The following TAF4 variants were observed in gnomAD, a reference collection of about 807,000 sequenced individuals.
TAF4 encodes TATA-box binding protein associated factor 4.
In TAF4, 9 loss-of-function variants were observed where a neutral mutation model predicts 90.3. The observed-to-expected ratio is 0.10, with a 90% CI of 0.06 to 0.17. The LOEUF is 0.17. Among genes scored for constraint, TAF4 ranks in the 10% least tolerant of loss-of-function variants. The pLI is 1.00. For missense variants in TAF4, 1,351 were observed against 1,370.7 expected, an observed-to-expected ratio of 0.99 and a Z score of 0.23; for synonymous variants, 818 against 638.9, an observed-to-expected ratio of 1.28 and a Z score of -4.23.
intron 1 of TAF4, among the ~76,000 whole-genome samples, chr20:62,054,366 A>G (rs2056048491): frequency 6.6e-6 from 1 of 152,126 alleles, no homozygotes; most frequent in African/African-American, 2.4e-5. Context: ...AGATCTACAG[A>G]TCTGTGAATT....
At position 61,989,694 on chromosome 20, in the gene TAF4, C is replaced by T. The variant is rs912422798; in HGVS notation, c.3090+7856G>A. Among the ~76,000 whole-genome samples, 10 of 141,946 alleles carry T rather than the reference C, an allele frequency of 7.0e-5. No individual in the cohort carries two copies. In the South Asian group the frequency reaches 2.4e-3, roughly 35 times the overall value. The allele number at this position is 141,946 out of a possible 152,430, so 93.1% of individuals were successfully genotyped here. Reference sequence around the variant, plus strand: ...ATGAGGGATCCCGGCACCCACAGCACTGCAGTGAGTGAGTGAATGAGGGAT... The same window carrying T: ...ATGAGGGATCCCGGCACCCACAGCATTGCAGTGAGTGAGTGAATGAGGGAT... On this transcript the variant is annotated intron_variant, in intron 14 of 14. Transcript: ENST00000252996.
rs771068892 is a variant in TAF4, at chr20:62,003,714, G to T, written c.2371+17C>A. 5.7e-6 allele frequency: 9 copies of T among 1,567,424 alleles called. No individual in the cohort carries two copies. The highest frequency in any genetic ancestry group is 4.3e-6 in the Non-Finnish European group (5 of 1,162,306). On this transcript the variant is annotated intron_variant, in intron 8 of 14. Coordinates refer to ENST00000252996, the MANE Select transcript of TAF4 (RefSeq NM_003185.4). ...AGCCCTTGGTGTTGAGCGGCCAGGG[G>T]CCCGCGAGGCCCTCACCTGGCTGCA...
At chr20:62,011,926 C>G (rs2055780854) in intron 3 of TAF4, among the ~76,000 whole-genome samples, 1 of 152,236 alleles carries the variant, frequency 6.6e-6, no homozygotes, top group South Asian at 2.1e-4. Context: ...TTCCTGCTGA[C>G]TGCCCAGAGA....
At chr20:62,003,949 A>G (rs1600838280) in intron 7 of TAF4, 71 bp from the exon 8 acceptor site, 1 of 1,480,726 alleles carries the variant, frequency 6.8e-7, no homozygotes, top group East Asian at 2.4e-5. Flanking sequence ...CCCTAGCAGG[A>G]GGTTCTTCCC....
At chr20:62,063,298 C>A (rs2056100232) in intron 1 of TAF4, among the ~76,000 whole-genome samples, 3 of 152,212 alleles carry the variant, frequency 2.0e-5, no homozygotes, top group African/African-American at 7.2e-5. Context: ...TCAAAGTGAC[C>A]AATAGCTCCA....
chr20:62,000,482 T>A, intron 10 of TAF4, 70 bp downstream of exon 10: 1 of 1,506,918 alleles, frequency 6.6e-7, no homozygotes, highest in South Asian at 1.2e-5. Flanking sequence ...TCAGGTGTGC[T>A]CACCTGAAGC....
At chr20:62,060,636 A>G (rs59254607) in intron 1 of TAF4, among the ~76,000 whole-genome samples, 15,000 of 152,248 alleles carry the variant, frequency 0.099, 1,190 homozygotes, top group East Asian at 0.44. Flanking sequence ...CAGCTCCCCA[A>G]AAGTTCTTTT....
intron 1 of TAF4, among the ~76,000 whole-genome samples, chr20:62,042,860 G>C (rs1040665962): frequency 1.3e-5 from 2 of 150,416 alleles, no homozygotes; most frequent in African/African-American, 4.9e-5. Flanking sequence ...TGATATCATA[G>C]GGATGACGGC....
chr20:62,041,853 G>A (rs1254662856), intron 1 of TAF4, among the ~76,000 whole-genome samples: 1 of 151,024 alleles, frequency 6.6e-6, no homozygotes, highest in East Asian at 2.0e-4. Flanking sequence ...AGGATCACAT[G>A]AGCCCAGGAG....
intron 14 of TAF4, chr20:61,980,054 G>C (rs978801109): frequency 6.6e-6 from 1 of 152,452 alleles, no homozygotes; most frequent in Non-Finnish European, 1.5e-5. Flanking sequence ...GCTGGGATTA[G>C]AAAACAAGCA....
chr20:62,044,274 C>A (rs959836368), intron 1 of TAF4, among the ~76,000 whole-genome samples: 2 of 151,922 alleles, frequency 1.3e-5, no homozygotes, highest in Non-Finnish European at 2.9e-5. Context: ...AGATGATCTC[C>A]AGATTATATT....
At chr20:62,009,240 T>C in intron 4 of TAF4, 66 bp from the exon 5 acceptor site, 2 of 1,472,602 alleles carry the variant, frequency 1.4e-6, no homozygotes, top group South Asian at 2.5e-5. Flanking sequence ...CAGCCTTTGG[T>C]TACTAAAATA....
intron 14 of TAF4, among the ~76,000 whole-genome samples, chr20:61,987,963 G>A (rs2055604382): frequency 6.6e-6 from 1 of 152,176 alleles, no homozygotes. Flanking sequence ...AATGAGAGAA[G>A]CCAGTTTGAG....
In TAF4 at chr20:62,011,584, C is replaced by T. The variant is rs984736201; in HGVS notation, c.1641+1231G>A. ...CAGCACACATCTCCCTGGTACTGAA[C>T]CGCCCTTCCACCCACTTTCACCCAC... is the stretch of plus-strand genomic sequence containing the variant. On this transcript the variant is annotated intron_variant, in intron 3 of 14. Transcript: ENST00000252996. Among the ~76,000 whole-genome samples, 3 of 152,228 alleles carry T rather than the reference C, an allele frequency of 2.0e-5. No individual in the cohort carries two copies. The East Asian group carries it at 5.8e-4, about 29-fold the overall frequency.
chr20:61,976,460 G>A (rs531739692), intron 14 of TAF4, 125 bp from the exon 15 acceptor site: 235 of 1,131,466 alleles, frequency 2.1e-4, no homozygotes, highest in Middle Eastern at 1.5e-3. Flanking sequence ...GGCTCCTTCC[G>A]GTAGGCCCAC....
chr20:61,990,340 C>G (rs1364887794), intron 14 of TAF4, among the ~76,000 whole-genome samples: 3 of 152,174 alleles, frequency 2.0e-5, no homozygotes, highest in Non-Finnish European at 2.9e-5. Flanking sequence ...CTACTTCAAA[C>G]TAAAATAAGT....
chr20:62,041,018 G>A (rs764558242), intron 1 of TAF4, among the ~76,000 whole-genome samples: 7 of 152,234 alleles, frequency 4.6e-5, no homozygotes, highest in Non-Finnish European at 7.3e-5. Context: ...CTGTGGACAC[G>A]TGTTGCACAC....
chr20:62,002,719 T>G (rs2055714776), intron 9 of TAF4, among the ~76,000 whole-genome samples: 1 of 152,084 alleles, frequency 6.6e-6, no homozygotes, highest in African/African-American at 2.4e-5. Context: ...GGTCTCAAAC[T>G]CCCGGGCTCA....
At position 61,976,652 on chromosome 20, in the gene TAF4, G is replaced by A. The variant is rs374787480; in HGVS notation, c.3091-317C>T. Among the ~76,000 whole-genome samples, 112 of 152,334 alleles carry A rather than the reference G, an allele frequency of 7.4e-4. 1 individual carries two copies. The South Asian group carries it at 0.021, about 29-fold the overall frequency. On this transcript the variant is annotated intron_variant, in intron 14 of 14. Coordinates refer to ENST00000252996, the MANE Select transcript of TAF4 (RefSeq NM_003185.4). ...ACCCACCCAAGGCAAATGGCTGAGC[G>A]GCCCCAGGGCCACCCTCCATGTGAC...
Sources: gnomAD v4.1 joint callset for allele counts (sites outside exome capture counted in the v4.1 genomes callset) on GRCh38, gnomAD v4.1.1 for gene constraint, MANE v1.5 for transcripts, NCBI Gene and HGNC (gene_info 2026-07-23, HGNC 2026-07-21) for gene names.